Variants in KHDC1 observed in about 807,000 individuals in gnomAD.
The protein encoded by KHDC1 is KH domain containing 1, also known as KH homology domain-containing protein 1.
In KHDC1, 21 loss-of-function variants were observed where a neutral mutation model predicts 24.7. That is an observed-to-expected ratio of 0.85 (90% CI 0.60 to 1.23). KHDC1 has a LOEUF of 1.23. Ranked by LOEUF, KHDC1 falls within the 50% of genes most tolerant of loss-of-function variation. The pLI, the probability that KHDC1 is intolerant of heterozygous loss-of-function variation, is 0.00. For missense variants in KHDC1, 274 were observed against 298.5 expected, an observed-to-expected ratio of 0.92 and a Z score of 0.61; for synonymous variants, 98 against 111.7, an observed-to-expected ratio of 0.88 and a Z score of 0.77.
chr6:73,308,278 G>C (rs1245885536), intron 1 of KHDC1, among the ~76,000 whole-genome samples: 2 of 151,866 alleles, frequency 1.3e-5, no homozygotes, highest in African/African-American at 4.8e-5. Context: ...GTTTCACCGT[G>C]TTAGCCAGGG....
chr6:73,301,814 A>G (rs1767883577), intron 1 of KHDC1, among the ~76,000 whole-genome samples: 1 of 151,748 alleles, frequency 6.6e-6, no homozygotes, highest in Non-Finnish European at 1.5e-5. Context: ...TTTTTATATA[A>G]GAGAGAGGGA....
chr6:73,247,258 T>G (rs1312641180), intron 2 of KHDC1, among the ~76,000 whole-genome samples: 1 of 152,138 alleles, frequency 6.6e-6, no homozygotes, highest in East Asian at 1.9e-4. Context: ...ATTACAGGTA[T>G]GAGCCAACAC....
chr6:73,262,485 T>C (rs983057657), intron 2 of KHDC1, among the ~76,000 whole-genome samples: 2 of 152,222 alleles, frequency 1.3e-5, no homozygotes, highest in African/African-American at 4.8e-5. Context: ...GACTTCAAAA[T>C]AATACAAACA....
At chr6:73,289,679 C>T (rs558754506) in intron 2 of KHDC1, among the ~76,000 whole-genome samples, 3 of 151,660 alleles carry the variant, frequency 2.0e-5, no homozygotes, top group South Asian at 4.2e-4. Context: ...AGAAAAAAAA[C>T]GGCCAGGCAC....
At chr6:73,261,630 T>C (rs994559776) in intron 2 of KHDC1, among the ~76,000 whole-genome samples, 6 of 147,422 alleles carry the variant, frequency 4.1e-5, no homozygotes, top group African/African-American at 1.3e-4. Flanking sequence ...AAAAAAAAAA[T>C]AGGCTGGGAG....
intron 1 of KHDC1, among the ~76,000 whole-genome samples, chr6:73,297,276 T>C (rs1013881697): frequency 1.3e-5 from 2 of 152,130 alleles, no homozygotes; most frequent in African/African-American, 4.8e-5. Context: ...TAATAATGTA[T>C]CTTGAGGATT....
chr6:73,264,844 G>C (rs1039433786), intron 2 of KHDC1, among the ~76,000 whole-genome samples: 1 of 152,228 alleles, frequency 6.6e-6, no homozygotes, highest in Non-Finnish European at 1.5e-5. Context: ...TAATGACCTC[G>C]AAGGCCAGTG....
chr6:73,247,593 C>T lies in KHDC1; in HGVS notation c.207-5063G>A, dbSNP rs573434080. Among the ~76,000 whole-genome samples the T allele has an allele frequency of 3.9e-5, 6 of 152,100 alleles. No homozygotes were observed. The South Asian group carries it at 6.2e-4, about 16-fold the overall frequency. On this transcript the variant is annotated intron_variant, in intron 2 of 4. Transcript: ENST00000370384. ...GTGGACGGCCGGGCACTGTGGCTCA[C>T]GCCTGTAATCCCAGCACTTTGGGAG...
intron 2 of KHDC1, chr6:73,284,874 C>T (rs12529864): frequency 0.16 from 23,681 of 151,812 alleles, 2,228 homozygotes; most frequent in African/African-American, 0.27. Context: ...GATGGAGTTT[C>T]GCTCTTGTCA....
At chr6:73,298,360 C>T (rs540576260) in intron 1 of KHDC1, among the ~76,000 whole-genome samples, 13 of 151,644 alleles carry the variant, frequency 8.6e-5, no homozygotes, top group African/African-American at 3.1e-4. Context: ...AGAGTTCTTC[C>T]CATTACTAGG....
At chr6:73,280,982 G>A (rs907064536) in intron 2 of KHDC1, among the ~76,000 whole-genome samples, 1 of 152,044 alleles carries the variant, frequency 6.6e-6, no homozygotes, top group Non-Finnish European at 1.5e-5. Flanking sequence ...ACCAAGTAGG[G>A]CAAATCACTT....
At chr6:73,298,637 T>C (rs1218058016) in intron 1 of KHDC1, among the ~76,000 whole-genome samples, 3 of 151,814 alleles carry the variant, frequency 2.0e-5, no homozygotes, top group East Asian at 3.9e-4. Flanking sequence ...GGTTTCACCA[T>C]GTCCGTCAGG....
intron 1 of KHDC1, chr6:73,292,097 A>G: frequency 6.2e-7 from 1 of 1,607,128 alleles, no homozygotes; most frequent in African/African-American, 1.3e-5. Context: ...GGACCTTCTT[A>G]GTGATGCCAA....
chr6:73,245,777 C>T (rs1266884886), intron 2 of KHDC1, among the ~76,000 whole-genome samples: 1 of 152,120 alleles, frequency 6.6e-6, no homozygotes, highest in Non-Finnish European at 1.5e-5. Flanking sequence ...ACCACCCAAT[C>T]ACTGAAGAAT....
intron 1 of KHDC1, among the ~76,000 whole-genome samples, chr6:73,297,153 G>A (rs1194303360): frequency 1.3e-5 from 2 of 151,970 alleles, no homozygotes; most frequent in Admixed American, 1.3e-4. Context: ...GGCCCACCTC[G>A]GCCTCCCAAA....
intron 2 of KHDC1, among the ~76,000 whole-genome samples, chr6:73,243,958 A>C (rs1275596807): frequency 6.6e-6 from 1 of 152,188 alleles, no homozygotes; most frequent in African/African-American, 2.4e-5. Flanking sequence ...CGCCTTTTCT[A>C]GTAGAAAAGT....
At chr6:73,281,591 T>TG (rs1161246417) in intron 2 of KHDC1, among the ~76,000 whole-genome samples, 1 of 139,994 alleles carries the variant, frequency 7.1e-6, no homozygotes, top group African/African-American at 2.7e-5. Context: ...CACTCCAGCC[T>TG]GGGCAGTAAG....
Position 73,306,335 on chromosome 6 carries a change from G to A in KHDC1, c.163+3217C>T, listed in dbSNP as rs567014854. ...TCTGCCCTCCCTCACCCGACACCCCGAGTAATTAAGCTCCCTCTTCCCCCA... is the reference window on the plus strand; with the variant it reads ...TCTGCCCTCCCTCACCCGACACCCCAAGTAATTAAGCTCCCTCTTCCCCCA... On this transcript the variant is annotated intron_variant, in intron 1 of 4. Coordinates refer to ENST00000370384, the Ensembl canonical transcript of KHDC1. Among the ~76,000 whole-genome samples the A allele has an allele frequency of 5.9e-5, 9 of 152,010 alleles. No homozygotes were observed. The South Asian group carries it at 1.9e-3, about 32-fold the overall frequency.
At position 73,294,858 on chromosome 6, in the gene KHDC1, G is replaced by A. The variant is rs947684124; in HGVS notation, c.164-2818C>T. 2.0e-5 allele frequency among the ~76,000 whole-genome samples: 3 copies of A among 152,078 alleles called. No homozygotes were observed. The East Asian group carries it at 5.8e-4, about 29-fold the overall frequency. ...TCTCATGATAGTGAGTTCTCATGGTGTCTGGTCATTTAAAAGCATGTGGCA... is the reference window on the plus strand; with the variant it reads ...TCTCATGATAGTGAGTTCTCATGGTATCTGGTCATTTAAAAGCATGTGGCA... On this transcript the variant is annotated intron_variant, in intron 1 of 4. Coordinates refer to ENST00000370384, the Ensembl canonical transcript of KHDC1.
Sources: allele counts gnomAD v4.1 joint callset (sites outside exome capture counted in the v4.1 genomes callset), GRCh38; gene constraint gnomAD v4.1.1; transcripts MANE v1.5; gene names NCBI Gene and HGNC (gene_info 2026-07-23, HGNC 2026-07-21).